Variants in DNAAF9 observed in about 807,000 individuals in gnomAD.
DNAAF9 encodes the protein shulin.
Under a neutral mutation model 167.0 loss-of-function variants are expected in DNAAF9, and 90 were observed. The observed-to-expected ratio is 0.54, with a 90% CI of 0.45 to 0.64. The LOEUF (loss-of-function observed/expected upper bound fraction) is 0.64, where lower values mean the gene tolerates loss of function less well. Ranked by LOEUF, DNAAF9 falls within the 30% of genes least tolerant of loss-of-function variation. The pLI, the probability that DNAAF9 is intolerant of heterozygous loss-of-function variation, is 0.00. For missense variants in DNAAF9, 1,315 were observed against 1,442.2 expected (o/e 0.91, Z 1.43); for synonymous variants, 491 against 508.8 (o/e 0.96, Z 0.47).
At chr20:3,379,973 T>A (rs927372450) in intron 3 of DNAAF9, among the ~76,000 whole-genome samples, 14 of 152,058 alleles carry the variant, frequency 9.2e-5, no homozygotes, top group African/African-American at 3.4e-4. Flanking sequence ...CAGAGGAATC[T>A]CGAACCCAGG....
In DNAAF9 at chr20:3,315,556, C is replaced by T. The variant is rs1338519670; in HGVS notation, c.1590+179G>A. On this transcript the variant is annotated intron_variant, in intron 19 of 36. Transcript: ENST00000252032. The surrounding 1 kb of genome is among the most constrained non-coding windows in gnomAD (Gnocchi z 4.1). ...ATAAAGAATCCCTCTAATTGTATCC[C>T]CCATAAATGGTTATTTCTAAAGCTC... 6.6e-6 allele frequency among the ~76,000 whole-genome samples: 1 copy of T among 152,144 alleles called. No homozygotes were observed. The highest frequency in any genetic ancestry group is 1.5e-5 in the Non-Finnish European group (1 of 68,030).
intron 7 of DNAAF9, among the ~76,000 whole-genome samples, chr20:3,359,126 GC>G (rs967801849): frequency 2.0e-5 from 3 of 152,086 alleles, no homozygotes; most frequent in Non-Finnish European, 4.4e-5. Context: ...GAAAAAGTTT[GC>G]CCCCCGGGCT....
chr20:3,254,192 C>T lies in DNAAF9; in HGVS notation c.3328-373G>A, dbSNP rs989207719. ...CTCCTGGGTTCATGCAATTCTCCTG[C>T]CTCAGCCTCCCGAGTAGCTGGGATT... On this transcript the variant is annotated intron_variant, in intron 35 of 36. Coordinates refer to ENST00000252032, the MANE Select transcript of DNAAF9 (RefSeq NM_001009984.3). 2.0e-5 allele frequency among the ~76,000 whole-genome samples: 3 copies of T among 152,186 alleles called. No individual in the cohort carries two copies. The South Asian group carries it at 6.2e-4, about 32-fold the overall frequency.
chr20:3,265,475 G>T (rs2068472405), intron 30 of DNAAF9, among the ~76,000 whole-genome samples: 2 of 149,274 alleles, frequency 1.3e-5, no homozygotes, highest in Admixed American at 6.7e-5. Context: ...GCCGAGGCAG[G>T]AGAATCACTT....
chr20:3,340,461 T>G, intron 10 of DNAAF9, 43 bp downstream of exon 10: 1 of 252,714 alleles, frequency 4.0e-6, no homozygotes. Context: ...CCCCACAACT[T>G]GATAATAAAA....
rs1044893405 is a variant in DNAAF9 at position 3,252,333 on chromosome 20, G to A, written c.*239C>T. 6 of 402,924 alleles carry A rather than the reference G, an allele frequency of 1.5e-5. No homozygotes were observed. The highest frequency in any genetic ancestry group is 1.2e-4 in the African/African-American group (6 of 49,036). 25.0% of individuals were successfully genotyped at this position (402,924 alleles called of 1,614,324 possible). A position where few individuals can be genotyped will look rare whatever the true frequency, so the allele number is the denominator to read the frequency against. Reference sequence around the variant, plus strand: ...GACTGCCAGTTGCACACGTAGACGGGCAGGCCCCATCTGCTCATCCTTGAG... The same window carrying A: ...GACTGCCAGTTGCACACGTAGACGGACAGGCCCCATCTGCTCATCCTTGAG... On this transcript the variant is annotated 3_prime_UTR_variant, in exon 37 of 37. Transcript: ENST00000252032.
intron 14 of DNAAF9, 52 bp from the exon 15 acceptor site, chr20:3,322,748 G>A: frequency 7.5e-7 from 1 of 1,326,692 alleles, no homozygotes; most frequent in Non-Finnish European, 1.1e-6. Context: ...CTGCTCCTCA[G>A]ATACCTGTGC....
intron 1 of DNAAF9, among the ~76,000 whole-genome samples, chr20:3,390,799 T>A (rs2083816712): frequency 6.6e-6 from 1 of 152,182 alleles, no homozygotes; most frequent in Admixed American, 6.6e-5. Flanking sequence ...TTCTGGGCAA[T>A]GAAGATTGCC....
At chr20:3,349,784 ACTTG>A (rs2070278414) in intron 7 of DNAAF9, among the ~76,000 whole-genome samples, 1 of 152,124 alleles carries the variant, frequency 6.6e-6, no homozygotes, top group Non-Finnish European at 1.5e-5. Flanking sequence ...ACCAATTAGG[ACTTG>A]CTTAAGATAC....
chr20:3,336,974 G>C (rs1366071813), intron 10 of DNAAF9, among the ~76,000 whole-genome samples: 3 of 148,740 alleles, frequency 2.0e-5, no homozygotes, highest in Non-Finnish European at 4.5e-5. Context: ...CCGCCTCCCG[G>C]GTTCACACCG....
At chr20:3,373,566 T>C (rs1044781062) in intron 6 of DNAAF9, among the ~76,000 whole-genome samples, 4 of 152,258 alleles carry the variant, frequency 2.6e-5, no homozygotes, top group Non-Finnish European at 1.5e-5. Context: ...ATTGTACTTA[T>C]CCAAATTCTG....
intron 7 of DNAAF9, among the ~76,000 whole-genome samples, chr20:3,358,959 C>T (rs1023412572): frequency 2.0e-5 from 3 of 152,072 alleles, no homozygotes; most frequent in African/African-American, 7.2e-5. Flanking sequence ...ATAGACAGGC[C>T]GTGTATTTTT....
intron 8 of DNAAF9, among the ~76,000 whole-genome samples, chr20:3,346,382 G>C (rs1396880887): frequency 6.6e-6 from 1 of 152,122 alleles, no homozygotes; most frequent in Non-Finnish European, 1.5e-5. Context: ...GTTTGTAATG[G>C]CAAAATATTA....
At chr20:3,371,589 C>A (rs564097183) in intron 6 of DNAAF9, among the ~76,000 whole-genome samples, 1 of 151,914 alleles carries the variant, frequency 6.6e-6, no homozygotes, top group African/African-American at 2.4e-5. Context: ...GTGATCCGCC[C>A]GCCTCGGCCT....
At position 3,357,920 on chromosome 20, in the gene DNAAF9, G is replaced by C. The variant is rs941477707; in HGVS notation, c.690+1596C>G. On this transcript the variant is annotated intron_variant, in intron 7 of 36. Coordinates refer to ENST00000252032, the MANE Select transcript of DNAAF9 (RefSeq NM_001009984.3). ...AGCTACTCAGGAGGCTGAGGTGCAA[G>C]AATCACTTGAGCTCAGGAGTTCAAG... Among the ~76,000 whole-genome samples, 7 of 152,156 alleles carry C rather than the reference G, an allele frequency of 4.6e-5. No individual in the cohort carries two copies. In the East Asian group the frequency reaches 1.3e-3, roughly 29 times the overall value.
chr20:3,407,632 C>G lies in DNAAF9; in HGVS notation c.-75G>C. Reference sequence around the variant, plus strand: ...CAGTTGCCCGCAGGGCGGCTCCACGCTAGCTGCGGCCGGGCGGGGCGGCAG... The same window carrying G: ...CAGTTGCCCGCAGGGCGGCTCCACGGTAGCTGCGGCCGGGCGGGGCGGCAG... On this transcript the variant is annotated 5_prime_UTR_variant, in exon 1 of 37. Transcript: ENST00000252032. 8.5e-7 allele frequency: 1 copy of G among 1,178,132 alleles called. No individual in the cohort carries two copies. The highest frequency in any genetic ancestry group is 1.6e-5 in the African/African-American group (1 of 62,238). The allele number at this position is 1,178,132 out of a possible 1,614,324, so 73.0% of individuals were successfully genotyped here. A position where few individuals can be genotyped will look rare whatever the true frequency, so the allele number is the denominator to read the frequency against.
At chr20:3,328,691 A>G (rs1465570688) in intron 12 of DNAAF9, among the ~76,000 whole-genome samples, 1 of 152,168 alleles carries the variant, frequency 6.6e-6, no homozygotes, top group African/African-American at 2.4e-5. Flanking sequence ...AGCAGGCACA[A>G]GGTAAGACTA....
Position 3,252,415 on chromosome 20 carries a change from G to C in DNAAF9, c.*157C>G. The stretch of plus-strand genomic sequence containing the variant: ...GGTGATGCTCTTCAGCGCTATACAG[G>C]GAATAAAGACAACATGCACTCAAGC... On this transcript the variant is annotated 3_prime_UTR_variant, in exon 37 of 37. Transcript: ENST00000252032. The C allele has an allele frequency of 1.7e-6, 1 of 598,390 alleles. No individual in the cohort carries two copies. The highest frequency in any genetic ancestry group is 3.0e-6 in the Non-Finnish European group (1 of 330,970). The allele number at this position is 598,390 out of a possible 1,614,324, so 37.1% of individuals were successfully genotyped here.
chr20:3,381,265 A>T, intron 3 of DNAAF9, 114 bp downstream of exon 3: 2 of 836,808 alleles, frequency 2.4e-6, no homozygotes, highest in Non-Finnish European at 3.5e-6. Flanking sequence ...GCAAACGTTT[A>T]CTGGGGCTTT....
Sources: allele counts gnomAD v4.1 joint callset (sites outside exome capture counted in the v4.1 genomes callset), GRCh38; gene constraint gnomAD v4.1.1; non-coding constraint Gnocchi (gnomAD v3.1); transcripts MANE v1.5; gene names NCBI Gene and HGNC (gene_info 2026-07-23, HGNC 2026-07-21).